The following FAM89A variants were observed in gnomAD, a reference collection of about 807,000 sequenced individuals.
FAM89A encodes protein FAM89A.
FAM89A carries 10 observed loss-of-function variants against 7.1 expected under a neutral mutation model. The ratio of observed to expected loss-of-function variants is 1.40; its 90% CI spans 0.86 to 2.38. The LOEUF (loss-of-function observed/expected upper bound fraction) is 2.38, where lower values mean the gene tolerates loss of function less well. Ranked by LOEUF, FAM89A falls within the 30% of genes most tolerant of loss-of-function variation. The probability of loss-of-function intolerance (pLI) is 0.00; values close to 1 mark genes in which losing one functional copy is unlikely to be tolerated. For missense variants in FAM89A, 276 were observed against 262.8 expected, an observed-to-expected ratio of 1.05 and a Z score of -0.35; for synonymous variants, 157 against 129.3, an observed-to-expected ratio of 1.21 and a Z score of -1.45.
chr1:231,021,136 C>G (rs1679870312), intron 1 of FAM89A, among the ~76,000 whole-genome samples: 1 of 152,234 alleles, frequency 6.6e-6, no homozygotes, highest in African/African-American at 2.4e-5. Flanking sequence ...TGCTGCTGTT[C>G]CACAGACCCT....
At chr1:231,029,774 T>C (rs1267073703) in intron 1 of FAM89A, among the ~76,000 whole-genome samples, 1 of 152,244 alleles carries the variant, frequency 6.6e-6, no homozygotes, top group African/African-American at 2.4e-5. Context: ...CAGTTATCTT[T>C]TAAAAACACA....
chr1:231,040,250 G>A lies in FAM89A; in HGVS notation c.-39C>T, dbSNP rs1305855312. The stretch of plus-strand genomic sequence containing the variant: ...GGCCACGCGCCTGCCCCGCTGCAGC[G>A]AACCAAGGCTTTCCCCCGGCCCGCC... On this transcript the variant is annotated 5_prime_UTR_variant, in exon 1 of 2. Transcript: ENST00000366654. The A allele has an allele frequency of 5.9e-6, 6 of 1,024,696 alleles. No individual in the cohort carries two copies. Among genetic ancestry groups the A allele is most frequent in the Non-Finnish European group, 7.0e-6 (6 of 857,214 alleles). The allele number at this position is 1,024,696 out of a possible 1,614,324, so 63.5% of individuals were successfully genotyped here.
chr1:231,029,769 ATCTTT>A (rs1164717776), intron 1 of FAM89A, among the ~76,000 whole-genome samples: 1 of 152,224 alleles, frequency 6.6e-6, no homozygotes, highest in Non-Finnish European at 1.5e-5. Flanking sequence ...TTTCACAGTT[ATCTTT>A]TAAAAACACA....
intron 1 of FAM89A, chr1:231,028,640 T>C (rs780398590): frequency 6.6e-6 from 1 of 152,160 alleles, no homozygotes. Context: ...GCAGACAGGC[T>C]CATTTAAGAA....
Position 231,040,152 on chromosome 1 carries a change from C to T in FAM89A, c.60G>A (p.Arg20=). The stretch of plus-strand genomic sequence containing the variant: ...TTGGCAGCGGGGGCAGCCCGTCCAC[C>T]CGCAGCCCCCGGACCGCGCCGTTGC... ...AAGNGAVRGL[R]VDGLPPLPKS... Residue 20 remains arginine, a synonymous_variant, in exon 1 of 2, where the codon CGG becomes CGA. Transcript: ENST00000366654. 7.7e-7 allele frequency: 1 copy of T among 1,302,614 alleles called. No individual in the cohort carries two copies. Among genetic ancestry groups the T allele is most frequent in the South Asian group, 2.0e-5 (1 of 49,074 alleles). 80.7% of individuals were successfully genotyped at this position (1,302,614 alleles called of 1,614,324 possible).
intron 1 of FAM89A, among the ~76,000 whole-genome samples, chr1:231,025,716 G>T (rs1679957912): frequency 6.6e-6 from 1 of 151,890 alleles, no homozygotes; most frequent in African/African-American, 2.4e-5. Context: ...TTAAAAAAAG[G>T]AGAGACAGGG....
intron 1 of FAM89A, among the ~76,000 whole-genome samples, chr1:231,031,954 G>A (rs922791047): frequency 6.6e-6 from 1 of 152,196 alleles, no homozygotes; most frequent in African/African-American, 2.4e-5. Flanking sequence ...AGGAGGACAA[G>A]GAGAGAAGAA....
chr1:231,032,569 AT>A (rs1411365672), intron 1 of FAM89A, among the ~76,000 whole-genome samples: 1 of 152,030 alleles, frequency 6.6e-6, no homozygotes, highest in African/African-American at 2.4e-5. Context: ...TTTTAGCAGC[AT>A]TTAATTTGGA....
rs1055528992 is a variant in FAM89A at position 231,035,188 on chromosome 1, A to C, written c.291+4733T>G. On this transcript the variant is annotated intron_variant, in intron 1 of 1. Coordinates refer to ENST00000366654, the MANE Select transcript of FAM89A (RefSeq NM_198552.3). The stretch of plus-strand genomic sequence containing the variant: ...TGAGCTGGAATCCAGTTCACTGGAC[A>C]AGCTCATTAGGCATTTAGTTGTTTC... Among the ~76,000 whole-genome samples, 8 of 152,338 alleles carry C rather than the reference A, an allele frequency of 5.3e-5. 1 individual carries two copies. The highest frequency in any genetic ancestry group is 1.9e-4 in the African/African-American group (8 of 41,588).
intron 1 of FAM89A, among the ~76,000 whole-genome samples, chr1:231,032,735 G>A (rs147587705): frequency 0.024 from 3,653 of 152,186 alleles, 60 homozygotes; most frequent in Middle Eastern, 0.099. Context: ...GAATACACTC[G>A]CTTTCACCTG....
Position 231,030,264 on chromosome 1 carries a change from C to G in FAM89A, c.291+9657G>C, listed in dbSNP as rs150257113. On this transcript the variant is annotated intron_variant, in intron 1 of 1. Transcript: ENST00000366654. ...CTAAAGCGCCATCAGGATTCAGAGA[C>G]AGAAGATAAACCGGGTTGCATGACT... Among the ~76,000 whole-genome samples, 36 of 152,334 alleles carry G rather than the reference C, an allele frequency of 2.4e-4. No individual in the cohort carries two copies. In the East Asian group the frequency reaches 6.7e-3, roughly 29 times the overall value.
chr1:231,022,033 G>T, intron 1 of FAM89A: 1 of 1,392,934 alleles, frequency 7.2e-7, no homozygotes, highest in Non-Finnish European at 1.0e-6. Flanking sequence ...GATATTCAGA[G>T]ATCGTGCAGA....
intron 1 of FAM89A, among the ~76,000 whole-genome samples, chr1:231,035,080 GA>G (rs1680138170): frequency 6.6e-6 from 1 of 152,162 alleles, no homozygotes; most frequent in Non-Finnish European, 1.5e-5. Flanking sequence ...GCCTCTTAAA[GA>G]CTAAAACTTC....
chr1:231,040,006 G>C lies in FAM89A; in HGVS notation c.206C>G (p.Pro69Arg). 2.1e-6 allele frequency: 3 copies of C among 1,409,174 alleles called. No individual in the cohort carries two copies. Among genetic ancestry groups the C allele is most frequent in the Non-Finnish European group, 2.8e-6 (3 of 1,086,424 alleles). The allele number at this position is 1,409,174 out of a possible 1,614,324, so 87.3% of individuals were successfully genotyped here. Residue 69 changes from proline (P) to arginine (R), a missense_variant, in exon 1 of 2, where the codon CCG becomes CGG. Transcript: ENST00000366654. ...TGCCGCCCGGGCCCCGCCGCCGCCCGGGCCCCCGCGGCTCAGCTCGTCCTG... is the reference window on the plus strand; with the variant it reads ...TGCCGCCCGGGCCCCGCCGCCGCCCCGGCCCCCGCGGCTCAGCTCGTCCTG... ...RIQDELSRGG[P>R]GGGGARAAAL...
At chr1:231,021,563 T>C (rs1278141962) in intron 1 of FAM89A, 2 of 1,116,592 alleles carry the variant, frequency 1.8e-6, no homozygotes, top group East Asian at 2.4e-5. Context: ...AACCTTGGTA[T>C]AGATCACTTC....
intron 1 of FAM89A, among the ~76,000 whole-genome samples, chr1:231,036,585 G>A (rs1246211258): frequency 1.3e-5 from 2 of 151,942 alleles, no homozygotes; most frequent in East Asian, 1.9e-4. Flanking sequence ...GTGTTGAAAC[G>A]TGGAGCTGAA....
At chr1:231,025,084 G>C (rs1039978586) in intron 1 of FAM89A, among the ~76,000 whole-genome samples, 1 of 151,916 alleles carries the variant, frequency 6.6e-6, no homozygotes, top group Non-Finnish European at 1.5e-5. Flanking sequence ...CACTACGTCC[G>C]GCTAATTTTT....
At chr1:231,037,937 C>T (rs192018820) in intron 1 of FAM89A, among the ~76,000 whole-genome samples, 176 of 152,130 alleles carry the variant, frequency 1.2e-3, no homozygotes, top group Middle Eastern at 0.01. Context: ...ACAGATTTGA[C>T]GTCAGGCCTT....
At chr1:231,035,732 T>TA (rs1395506460) in intron 1 of FAM89A, among the ~76,000 whole-genome samples, 1 of 152,222 alleles carries the variant, frequency 6.6e-6, no homozygotes, top group African/African-American at 2.4e-5. Flanking sequence ...GCTTAGCAGA[T>TA]AAAAAATCTT....
Sources: allele counts gnomAD v4.1 joint callset (sites outside exome capture counted in the v4.1 genomes callset), GRCh38; gene constraint gnomAD v4.1.1; transcripts MANE v1.5; gene names NCBI Gene and HGNC (gene_info 2026-07-23, HGNC 2026-07-21).